SNX17: variants seen among roughly 807,000 people sequenced by gnomAD.
SNX17 encodes sorting nexin 17, also known as sorting nexin-17.
SNX17 carries 35 observed loss-of-function variants against 64.3 expected under a neutral mutation model. The ratio of observed to expected loss-of-function variants is 0.54; its 90% CI spans 0.42 to 0.72. The LOEUF is 0.72. SNX17 is among the 30% of genes least tolerant of loss of function. The pLI, the probability that SNX17 is intolerant of heterozygous loss-of-function variation, is 0.00. For synonymous variants in SNX17, 259 were observed against 230.2 expected (o/e 1.13, Z -1.13); for missense variants, 538 against 610.0 (o/e 0.88, Z 1.24).
At chr2:27,371,036 G>A (rs933366453) in intron 1 of SNX17, among the ~76,000 whole-genome samples, 2 of 152,272 alleles carry the variant, frequency 1.3e-5, no homozygotes, top group East Asian at 3.8e-4. Context: ...GGCCGCAGCT[G>A]CCCTGGTGGG....
Position 27,371,039 on chromosome 2 carries a change from C to T in SNX17, c.64-230C>T, listed in dbSNP as rs546822573. Among the ~76,000 whole-genome samples the T allele has an allele frequency of 7.9e-5, 12 of 152,388 alleles. No individual in the cohort carries two copies. The East Asian group carries it at 2.1e-3, about 27-fold the overall frequency. On this transcript the variant is annotated intron_variant, in intron 1 of 14. Coordinates refer to ENST00000233575, the MANE Select transcript of SNX17 (RefSeq NM_014748.4). ...TTCCCCGAGCTAGGCCGCAGCTGCC[C>T]TGGTGGGCGTCACTGGCCTCTTGGG...
intron 1 of SNX17, 33 bp from the exon 2 acceptor site, chr2:27,371,236 C>T: frequency 6.2e-7 from 1 of 1,604,944 alleles, no homozygotes; most frequent in Non-Finnish European, 8.5e-7. Flanking sequence ...CAGACCGCAA[C>T]CCTAAAATGC....
At chr2:27,376,280 C>G (rs1386029385) in intron 12 of SNX17, 33 bp from the exon 13 acceptor site, 1 of 1,611,626 alleles carries the variant, frequency 6.2e-7, no homozygotes. Context: ...GGAAGTGATC[C>G]TGCCCTCACC....
At position 27,371,174 on chromosome 2, in the gene SNX17, A is replaced by G. The variant is rs749045676; in HGVS notation, c.64-95A>G. 6.8e-5 allele frequency: 75 copies of G among 1,094,966 alleles called. No homozygotes were observed. In the Middle Eastern group the frequency reaches 2.0e-3, roughly 29 times the overall value. 67.8% of individuals were successfully genotyped at this position (1,094,966 alleles called of 1,614,324 possible). A position where few individuals can be genotyped will look rare whatever the true frequency, so the allele number is the denominator to read the frequency against. ...CTATCCCTCGGGAGATTAGCGCGTT[A>G]CTCCGGCGAGTTGCCAGGCAACTTC... On this transcript the variant is annotated intron_variant, in intron 1 of 14. Transcript: ENST00000233575.
Position 27,377,370 on chromosome 2 carries a change from T to G in SNX17, c.*651T>G. On this transcript the variant is annotated 3_prime_UTR_variant, in exon 15 of 15. Coordinates refer to ENST00000233575, the MANE Select transcript of SNX17 (RefSeq NM_014748.4). The surrounding 1 kb of genome is among the most constrained non-coding windows in gnomAD (Gnocchi z 4.4). ...GAATACAGGGCCCTTCTCACTGAGC[T>G]CGTGAAGTGCCTCAGTCAAGGCAAG... The G allele has an allele frequency of 1.4e-6, 1 of 739,668 alleles. No individual in the cohort carries two copies. The highest frequency in any genetic ancestry group is 2.4e-6 in the Non-Finnish European group (1 of 419,394). The allele number at this position is 739,668 out of a possible 1,614,324, so 45.8% of individuals were successfully genotyped here.
chr2:27,372,575 C>T (rs779507308), intron 2 of SNX17, 48 bp from the exon 3 acceptor site: 3 of 1,613,642 alleles, frequency 1.9e-6, no homozygotes, highest in Non-Finnish European at 2.5e-6. Context: ...ATTGCCTCAT[C>T]TCATTTTCTG....
In SNX17 at chr2:27,374,406, A is replaced by G. The variant is rs760050372; in HGVS notation, c.584A>G (p.Gln195Arg). 2.5e-6 allele frequency: 4 copies of G among 1,613,900 alleles called. No individual in the cohort carries two copies. The South Asian group carries it at 4.4e-5, about 18-fold the overall frequency. The change falls in exon 7 of 15, where the codon CAA becomes CGA. Residue 195 changes from glutamine (Q) to arginine (R), a missense_variant. This residue lies in a region of SNX17 where 505 missense variants were observed against 550.4 expected (regional missense o/e 0.92). Transcript: ENST00000233575. Reference protein sequence around the residue: ...PYVSVTSLRSQEYKIVLRKSY... With the variant: ...PYVSVTSLRSREYKIVLRKSY... ...GTGTCTGTCACCAGCCTTCGGAGTC[A>G]AGAGTATAAGATTGTGCTAAGGAAG...
chr2:27,373,186 A>G (rs1682815066), intron 3 of SNX17, 61 bp from the exon 4 acceptor site: 31 of 1,611,182 alleles, frequency 1.9e-5, no homozygotes, highest in Non-Finnish European at 2.6e-5. Flanking sequence ...TACTGAGAGG[A>G]GGACTGGGGA....
At position 27,372,639 on chromosome 2, in the gene SNX17, G is replaced by T; in HGVS notation, c.155G>T (p.Gly52Val). The T allele has an allele frequency of 3.1e-6, 5 of 1,614,198 alleles. No homozygotes were observed. The highest frequency in any genetic ancestry group is 4.2e-6 in the Non-Finnish European group (5 of 1,180,028). ...TCTAAATAGCTTCGGAAGGAGTATG[G>T]GGCCAATGTGCTTCCTGCATTCCCC... ...GLHEQLRKEY[G>V]ANVLPAFPPK... is the part of the protein sequence containing the mutation. Residue 52 changes from glycine to valine, a missense_variant, in exon 3 of 15, where the codon GGG becomes GTG. This residue lies in a region of SNX17 where 505 missense variants were observed against 550.4 expected (regional missense o/e 0.92). Transcript: ENST00000233575.
At chr2:27,372,825 A>G in intron 3 of SNX17, 85 bp downstream of exon 3, 1 of 1,542,346 alleles carries the variant, frequency 6.5e-7, no homozygotes. Context: ...GAAGGGCCTG[A>G]TTTAATTTCT....
At position 27,376,185 on chromosome 2, in the gene SNX17, T is replaced by G. The variant is rs746560045; in HGVS notation, c.1182+2T>G. 2 of 1,614,062 alleles carry G rather than the reference T, an allele frequency of 1.2e-6. No individual in the cohort carries two copies. Among genetic ancestry groups the G allele is most frequent in the Non-Finnish European group, 1.7e-6 (2 of 1,179,982 alleles). Reference sequence around the variant, plus strand: ...AAATCTGGCGGCAGTATCAGGAAGGTAGGCAGCAAGTGTGGACTGAGCAGT... The same window carrying G: ...AAATCTGGCGGCAGTATCAGGAAGGGAGGCAGCAAGTGTGGACTGAGCAGT... On this transcript the variant is annotated splice_donor_variant, in intron 12 of 14. Transcript: ENST00000233575. LOFTEE classifies it high-confidence loss of function.
Position 27,374,680 on chromosome 2 carries a change from G to A in SNX17, c.612-9G>A, listed in dbSNP as rs1186434097. 1.2e-6 allele frequency: 2 copies of A among 1,613,806 alleles called. No homozygotes were observed. The highest frequency in any genetic ancestry group is 1.3e-5 in the African/African-American group (1 of 74,852). The stretch of plus-strand genomic sequence containing the variant: ...CCCCATTACCCCTTTCCACCCCTTG[G>A]CCTCACAGTTATTGGGACTCTGCCT... On this transcript the variant is annotated splice_polypyrimidine_tract_variant and intron_variant, in intron 7 of 14. Transcript: ENST00000233575.
intron 3 of SNX17, 77 bp downstream of exon 3, chr2:27,372,817 AG>A: frequency 1.3e-6 from 2 of 1,566,998 alleles, no homozygotes; most frequent in Non-Finnish European, 1.8e-6. Flanking sequence ...GTTCTGTGGA[AG>A]GGCCTGATTT....
chr2:27,370,669 G>T lies in SNX17; in HGVS notation c.-75G>T. On this transcript the variant is annotated 5_prime_UTR_variant, in exon 1 of 15. Coordinates refer to ENST00000233575, the MANE Select transcript of SNX17 (RefSeq NM_014748.4). ...GAGTGAGGCTGCGGGGACTCGCTGA[G>T]CAGCGGAGGGGGAGCGTGCAGAGCC... 6.7e-7 allele frequency: 1 copy of T among 1,481,958 alleles called. No individual in the cohort carries two copies. Among genetic ancestry groups the T allele is most frequent in the South Asian group, 1.3e-5 (1 of 75,598 alleles). The allele number at this position is 1,481,958 out of a possible 1,614,324, so 91.8% of individuals were successfully genotyped here. A position where few individuals can be genotyped will look rare whatever the true frequency, so the allele number is the denominator to read the frequency against.
Position 27,375,047 on chromosome 2 carries a change from T to C in SNX17, c.682-14T>C. 2 of 1,612,560 alleles carry C rather than the reference T, an allele frequency of 1.2e-6. No homozygotes were observed. Among genetic ancestry groups the C allele is most frequent in the Non-Finnish European group, 8.5e-7 (1 of 1,178,580 alleles). On this transcript the variant is annotated splice_polypyrimidine_tract_variant and intron_variant, in intron 8 of 14. Transcript: ENST00000233575. This position sits in a 1 kb window ranked among gnomAD's most constrained non-coding sequence, Gnocchi z 4.1. ...CTGGGACCTCCTACTGCCTGCCCCT[T>C]GTCTCTACTATAGACGGTATCAGAT...
At chr2:27,371,605 G>A in intron 2 of SNX17, 3 of 500,684 alleles carry the variant, frequency 6.0e-6, no homozygotes, top group Non-Finnish European at 8.9e-6. Context: ...CTTTACCCCT[G>A]CATGGACAAA....
chr2:27,371,420 C>A, intron 2 of SNX17, 77 bp downstream of exon 2: 1 of 1,521,090 alleles, frequency 6.6e-7, no homozygotes, highest in Non-Finnish European at 8.8e-7. Flanking sequence ...CCTTTACCCG[C>A]TCTTCTTGTT....
chr2:27,375,726 G>A lies in SNX17; in HGVS notation c.978+17G>A, dbSNP rs369023576. On this transcript the variant is annotated intron_variant, in intron 10 of 14. Coordinates refer to ENST00000233575, the MANE Select transcript of SNX17 (RefSeq NM_014748.4). This position sits in a 1 kb window ranked among gnomAD's most constrained non-coding sequence, Gnocchi z 4.1. Reference sequence around the variant, plus strand: ...ACCTCCTCTGTGAGTCGGGTTAGGAGGGGGAAGGGCCTGGGTTGGGGGCCC... The same window carrying A: ...ACCTCCTCTGTGAGTCGGGTTAGGAAGGGGAAGGGCCTGGGTTGGGGGCCC... 3.7e-6 allele frequency: 6 copies of A among 1,613,546 alleles called. No individual in the cohort carries two copies. Among genetic ancestry groups the A allele is most frequent in the Non-Finnish European group, 4.2e-6 (5 of 1,179,962 alleles).
At chr2:27,376,567 A>G in intron 14 of SNX17, 39 bp from the exon 15 acceptor site, 1 of 1,613,706 alleles carries the variant, frequency 6.2e-7, no homozygotes, top group East Asian at 2.2e-5. Flanking sequence ...GGGATCTTGC[A>G]CGCCCAAGAT....
Sources: allele counts gnomAD v4.1 joint callset (sites outside exome capture counted in the v4.1 genomes callset), GRCh38; gene constraint gnomAD v4.1.1; regional missense constraint gnomAD v4.1.1; non-coding constraint Gnocchi (gnomAD v3.1); transcripts MANE v1.5; gene names NCBI Gene and HGNC (gene_info 2026-07-23, HGNC 2026-07-21).